HNRNPUL1: variants seen among roughly 807,000 people sequenced by gnomAD.
The protein encoded by HNRNPUL1 is heterogeneous nuclear ribonucleoprotein U like 1, also known as heterogeneous nuclear ribonucleoprotein U-like protein 1.
A neutral mutation model predicts 108.5 loss-of-function variants in HNRNPUL1; 14 were observed. That is an observed-to-expected ratio of 0.13 (90% CI 0.09 to 0.20). The LOEUF (loss-of-function observed/expected upper bound fraction) is 0.20, where lower values mean the gene tolerates loss of function less well. Ranked by LOEUF, HNRNPUL1 falls within the 10% of genes least tolerant of loss-of-function variation. The pLI is 1.00. For synonymous variants in HNRNPUL1, 422 were observed against 445.2 expected (o/e 0.95, Z 0.66); for missense variants, 804 against 1,168.3 (o/e 0.69, Z 4.55).
chr19:41,302,272 A>G (rs2037266007), intron 11 of HNRNPUL1: 1 of 249,462 alleles, frequency 4.0e-6, no homozygotes, highest in Non-Finnish European at 7.6e-6. Flanking sequence ...AGGCTGGAGT[A>G]TAGTGGTGCG....
rs915715795 is a variant in HNRNPUL1 at position 41,274,137 on chromosome 19, G to T, written c.646+82G>T. 3 of 1,094,720 alleles carry T rather than the reference G, an allele frequency of 2.7e-6. No individual in the cohort carries two copies. The African/African-American group carries it at 4.6e-5, about 17-fold the overall frequency. 67.8% of individuals were successfully genotyped at this position (1,094,720 alleles called of 1,614,324 possible). ...GGTCTTGACCTTCACCAGAATCCCT[G>T]CTGGGCACCGTCCAAAGACATTGTT... is the stretch of plus-strand genomic sequence containing the variant. On this transcript the variant is annotated intron_variant, in intron 4 of 14. Coordinates refer to ENST00000392006, the MANE Select transcript of HNRNPUL1 (RefSeq NM_007040.6).
intron 10 of HNRNPUL1, among the ~76,000 whole-genome samples, chr19:41,295,843 G>C (rs2036861355): frequency 6.6e-6 from 1 of 152,154 alleles, no homozygotes; most frequent in Non-Finnish European, 1.5e-5. Flanking sequence ...CTTCACATAG[G>C]AATGAGGATC....
rs2034671840 is a variant in HNRNPUL1 at position 41,264,401 on chromosome 19, G to GGC, written c.-103_-102insGC. ...TGAGCCGCTGCCGCCATTGGAGTGGGCCCCCCCCCTTTCCCCCTTCGCCTC... is the reference window on the plus strand; with the variant it reads ...TGAGCCGCTGCCGCCATTGGAGTGGGGCCCCCCCCCCTTTCCCCCTTCGCCTC... On this transcript the variant is annotated 5_prime_UTR_variant, in exon 1 of 15. Transcript: ENST00000392006. 1 of 975,696 alleles carries GGC rather than the reference G, an allele frequency of 1.0e-6. No individual in the cohort carries two copies. The highest frequency in any genetic ancestry group is 1.3e-6 in the Non-Finnish European group (1 of 743,144). The allele number at this position is 975,696 out of a possible 1,614,324, so 60.4% of individuals were successfully genotyped here.
At position 41,294,834 on chromosome 19, in the gene HNRNPUL1, T is replaced by C. The variant is rs373070521; in HGVS notation, c.1518+148T>C. 9.9e-6 allele frequency: 9 copies of C among 908,920 alleles called. No individual in the cohort carries two copies. The South Asian group carries it at 1.4e-4, about 14-fold the overall frequency. The allele number at this position is 908,920 out of a possible 1,614,324, so 56.3% of individuals were successfully genotyped here. ...GGGGGTCAGACCTTGTCATACATGA[T>C]GACATGGTACTACACACAGCTGAGC... On this transcript the variant is annotated intron_variant, in intron 10 of 14. Transcript: ENST00000392006. This position sits in a 1 kb window ranked among gnomAD's most constrained non-coding sequence, Gnocchi z 4.3.
At chr19:41,277,138 A>G (rs1194204831) in intron 5 of HNRNPUL1, among the ~76,000 whole-genome samples, 1 of 151,820 alleles carries the variant, frequency 6.6e-6, no homozygotes, top group African/African-American at 2.4e-5. Context: ...AAAACAAAAC[A>G]GGTTATTCTC....
At chr19:41,285,320 C>T (rs1037884732) in intron 7 of HNRNPUL1, among the ~76,000 whole-genome samples, 5 of 152,090 alleles carry the variant, frequency 3.3e-5, no homozygotes, top group Middle Eastern at 3.2e-3. Context: ...CCCGCCTCCC[C>T]GGTTCAAGCT....
chr19:41,285,801 C>A (rs2036185488), intron 7 of HNRNPUL1, among the ~76,000 whole-genome samples: 1 of 152,168 alleles, frequency 6.6e-6, no homozygotes, highest in South Asian at 2.1e-4. Flanking sequence ...TGGGCTGACC[C>A]TTGAACTTTG....
rs1362046505 is a variant in HNRNPUL1, at chr19:41,292,149, T to C, written c.1000-96T>C. Reference sequence around the variant, plus strand: ...GGATGCACTTCAATCTGGAAAGCTGTCCACATTCTACTCCCTGCATCTACT... The same window carrying C: ...GGATGCACTTCAATCTGGAAAGCTGCCCACATTCTACTCCCTGCATCTACT... On this transcript the variant is annotated intron_variant, in intron 7 of 14. Transcript: ENST00000392006. The surrounding 1 kb of genome is among the most constrained non-coding windows in gnomAD (Gnocchi z 4.1). 2.3e-6 allele frequency: 3 copies of C among 1,277,674 alleles called. No homozygotes were observed. In the Admixed American group the frequency reaches 5.4e-5, roughly 23 times the overall value. 79.1% of individuals were successfully genotyped at this position (1,277,674 alleles called of 1,614,324 possible). A position where few individuals can be genotyped will look rare whatever the true frequency, so the allele number is the denominator to read the frequency against.
intron 11 of HNRNPUL1, 175 bp downstream of exon 11, chr19:41,301,879 C>T (rs2037231856): frequency 6.4e-6 from 4 of 629,244 alleles, no homozygotes; most frequent in South Asian, 2.2e-5. Flanking sequence ...AAAAGCTACC[C>T]ATCTGTCTTA....
chr19:41,284,974 T>A lies in HNRNPUL1; in HGVS notation c.999+3699T>A, dbSNP rs1236572560. Among the ~76,000 whole-genome samples the A allele has an allele frequency of 6.6e-5, 8 of 121,086 alleles. No individual in the cohort carries two copies. The East Asian group carries it at 1.6e-3, about 24-fold the overall frequency. 79.4% of individuals were successfully genotyped at this position (121,086 alleles called of 152,430 possible). A position where few individuals can be genotyped will look rare whatever the true frequency, so the allele number is the denominator to read the frequency against. On this transcript the variant is annotated intron_variant, in intron 7 of 14. Coordinates refer to ENST00000392006, the MANE Select transcript of HNRNPUL1 (RefSeq NM_007040.6). ...TTGCGCCACTGTACTCCCGCCTGGG[T>A]AACAGAGCAAGACTCTGTCTCAAAA...
chr19:41,270,164 G>A (rs976510399), intron 2 of HNRNPUL1, among the ~76,000 whole-genome samples: 29 of 152,188 alleles, frequency 1.9e-4, no homozygotes, highest in African/African-American at 7.0e-4. Flanking sequence ...TGTATTTTCA[G>A]TAGTGACGGG....
At chr19:41,277,562 A>G (rs548424963) in intron 5 of HNRNPUL1, among the ~76,000 whole-genome samples, 4 of 152,278 alleles carry the variant, frequency 2.6e-5, no homozygotes, top group African/African-American at 9.6e-5. Flanking sequence ...GCTGGAGTGC[A>G]GTGGCGCGAT....
chr19:41,270,781 G>T (rs891089018), intron 2 of HNRNPUL1, among the ~76,000 whole-genome samples: 1 of 151,960 alleles, frequency 6.6e-6, no homozygotes. Context: ...GTTTTTAGTA[G>T]ATGTGGGGTT....
At chr19:41,280,934 G>C in intron 6 of HNRNPUL1, 1 of 498,510 alleles carries the variant, frequency 2.0e-6, no homozygotes, top group South Asian at 2.2e-5. Context: ...GAGTTATTCA[G>C]TTGAGCTCCT....
rs754118340 is a variant in HNRNPUL1 at position 41,304,249 on chromosome 19, C to T, written c.2250C>T (p.Tyr750=). 7 of 1,607,682 alleles carry T rather than the reference C, an allele frequency of 4.4e-6. No homozygotes were observed. The East Asian group carries it at 6.7e-5, about 15-fold the overall frequency. The change falls in exon 13 of 15, where the codon TAC becomes TAT. Residue 750 remains tyrosine (Y), a synonymous_variant. Transcript: ENST00000392006. ...CCAGCACCCCCACCGTCAGCAGCTA[C>T]AGCCCTCCACAGGTGAGAGAATGAG... ...ANTSTPTVSS[Y]SPPQPSYSQP...
chr19:41,276,669 A>G (rs1469908400), intron 5 of HNRNPUL1: 1 of 170,932 alleles, frequency 5.9e-6, no homozygotes, highest in Non-Finnish European at 1.3e-5. Flanking sequence ...CAGAGGGAGA[A>G]CAGGGCAAAG....
chr19:41,273,958 A>T (rs371452814), intron 3 of HNRNPUL1, 24 bp from the exon 4 acceptor site: 2 of 1,594,114 alleles, frequency 1.3e-6, no homozygotes, highest in Non-Finnish European at 1.7e-6. Flanking sequence ...TTCTTGTATG[A>T]CTTAACCCCT....
At position 41,306,571 on chromosome 19, in the gene HNRNPUL1, G is replaced by A; in HGVS notation, c.*6G>A. 6.6e-7 allele frequency: 1 copy of A among 1,508,258 alleles called. No individual in the cohort carries two copies. The highest frequency in any genetic ancestry group is 8.9e-7 in the Non-Finnish European group (1 of 1,125,806). 93.4% of individuals were successfully genotyped at this position (1,508,258 alleles called of 1,614,324 possible). ...GTGGCACAAGTACACAGTAGCCAGT[G>A]TGACCCAGAGGCTCCCGGAGGCCCC... On this transcript the variant is annotated 3_prime_UTR_variant, in exon 15 of 15. Coordinates refer to ENST00000392006, the MANE Select transcript of HNRNPUL1 (RefSeq NM_007040.6).
At chr19:41,273,203 A>G (rs1022890904) in intron 3 of HNRNPUL1, among the ~76,000 whole-genome samples, 13 of 152,172 alleles carry the variant, frequency 8.5e-5, no homozygotes, top group Non-Finnish European at 1.8e-4. Flanking sequence ...TGGACTTAAC[A>G]TGTGATGAGC....
Sources: allele counts gnomAD v4.1 joint callset (sites outside exome capture counted in the v4.1 genomes callset), GRCh38; gene constraint gnomAD v4.1.1; non-coding constraint Gnocchi (gnomAD v3.1); transcripts MANE v1.5; gene names NCBI Gene and HGNC (gene_info 2026-07-23, HGNC 2026-07-21).